SV2B: variants seen among roughly 807,000 people sequenced by gnomAD.
SV2B encodes solute carrier family 22 member B2.
Under a neutral mutation model 73.9 loss-of-function variants are expected in SV2B, and 41 were observed. That is an observed-to-expected ratio of 0.56 (90% CI 0.43 to 0.72). The LOEUF (loss-of-function observed/expected upper bound fraction) is 0.72, where lower values mean the gene tolerates loss of function less well. SV2B is among the 30% of genes least tolerant of loss of function. SV2B has a pLI of 0.00. For synonymous variants in SV2B, 314 were observed against 314.2 expected, an observed-to-expected ratio of 1.00 and a Z score of 0.01; for missense variants, 764 against 857.8, an observed-to-expected ratio of 0.89 and a Z score of 1.37.
chr15:91,275,751 G>A (rs1416378235), intron 9 of SV2B, among the ~76,000 whole-genome samples: 1 of 152,098 alleles, frequency 6.6e-6, no homozygotes, highest in East Asian at 1.9e-4. Flanking sequence ...ACTTGAACCT[G>A]GAAGGTGAAG....
intron 1 of SV2B, among the ~76,000 whole-genome samples, chr15:91,191,276 T>A (rs2045018133): frequency 6.6e-6 from 1 of 151,898 alleles, no homozygotes; most frequent in Non-Finnish European, 1.5e-5. Context: ...CCCTCTTTGA[T>A]CAAACTTTGT....
Position 91,284,147 on chromosome 15 carries a change from G to A in SV2B, c.1634G>A (p.Gly545Asp). 1.2e-6 allele frequency: 2 copies of A among 1,614,180 alleles called. No homozygotes were observed. The highest frequency in any genetic ancestry group is 4.5e-5 in the East Asian group (2 of 44,886). The change falls in exon 11 of 13, where the codon GGC (glycine) becomes GAC (aspartate). Residue 545 changes from glycine to aspartate, a missense_variant. Gly to Asp is a moderately conservative substitution (Grantham distance 94). Transcript: ENST00000394232. This position sits in a 1 kb window ranked among gnomAD's most constrained non-coding sequence, Gnocchi z 4.5. ...DFLIYLVSFLGSLSVLPGNII... is the reference protein window; with the variant it reads ...DFLIYLVSFLDSLSVLPGNII... ...CTGATTTACCTCGTCAGCTTCCTGG[G>A]CAGCCTGTCTGTCTTACCCGGGAAC...
rs1181397263 is a variant in SV2B, at chr15:91,239,407, T to A, written c.452-12412T>A. On this transcript the variant is annotated intron_variant, in intron 2 of 12. Coordinates refer to ENST00000394232, the MANE Select transcript of SV2B (RefSeq NM_001323032.3). This position sits in a 1 kb window ranked among gnomAD's most constrained non-coding sequence, Gnocchi z 5.1. ...AGACATGGTAACAGATTATAAGGTA[T>A]AAGGCATGAATTACAAAGTTATAGT... is the stretch of plus-strand genomic sequence containing the variant. 6.6e-6 allele frequency among the ~76,000 whole-genome samples: 1 copy of A among 151,934 alleles called. No individual in the cohort carries two copies. The highest frequency in any genetic ancestry group is 1.5e-5 in the Non-Finnish European group (1 of 67,986).
Position 91,171,297 on chromosome 15 carries a change from C to A in SV2B, c.-391-54576C>A, listed in dbSNP as rs560129447. Among the ~76,000 whole-genome samples the A allele has an allele frequency of 1.9e-4, 29 of 152,272 alleles. No individual in the cohort carries two copies. The East Asian group carries it at 5.0e-3, about 26-fold the overall frequency. ...AAAATGAAGCTATGAATACTACTTA[C>A]CTAATGGAGTTAAGATTATTAAATC... On this transcript the variant is annotated intron_variant, in intron 1 of 12. Coordinates refer to ENST00000394232, the MANE Select transcript of SV2B (RefSeq NM_001323032.3).
chr15:91,099,749 T>C (rs985794946), upstream of SV2B, among the ~76,000 whole-genome samples: 1 of 152,166 alleles, frequency 6.6e-6, no homozygotes, highest in African/African-American at 2.4e-5. Flanking sequence ...AACAGCACCA[T>C]GATCGACGAT....
chr15:91,120,687 G>T (rs1452090205), intron 1 of SV2B, among the ~76,000 whole-genome samples: 1 of 151,716 alleles, frequency 6.6e-6, no homozygotes, highest in Admixed American at 6.6e-5. Context: ...GGTGGCATGC[G>T]CCTGTAGTCA....
rs1240449649 is a variant in SV2B, at chr15:91,124,491, C to T, written c.-392+24128C>T. ...TACTTCACAAGACAGAATTTCAGGC[C>T]TGCAGAGGGATGGGGGACTTCCTTT... On this transcript the variant is annotated intron_variant, in intron 1 of 12. Coordinates refer to ENST00000394232, the MANE Select transcript of SV2B (RefSeq NM_001323032.3). The surrounding 1 kb of genome is among the most constrained non-coding windows in gnomAD (Gnocchi z 4.6). Among the ~76,000 whole-genome samples, 1 of 152,170 alleles carries T rather than the reference C, an allele frequency of 6.6e-6. No individual in the cohort carries two copies. The highest frequency in any genetic ancestry group is 1.5e-5 in the Non-Finnish European group (1 of 68,040).
rs181662720 is a variant in SV2B at position 91,232,277 on chromosome 15, G to T, written c.451+5563G>T. 3.0e-3 allele frequency among the ~76,000 whole-genome samples: 464 copies of T among 152,244 alleles called. 2 individuals carry two copies. Among genetic ancestry groups the T allele is most frequent in the African/African-American group, 0.011 (454 of 41,568 alleles). Reference sequence around the variant, plus strand: ...TTTCTGTGTTTGATTTATATCAGTTGTTCTTATTTATACTGTTTAGATCAT... The same window carrying T: ...TTTCTGTGTTTGATTTATATCAGTTTTTCTTATTTATACTGTTTAGATCAT... On this transcript the variant is annotated intron_variant, in intron 2 of 12. Coordinates refer to ENST00000394232, the MANE Select transcript of SV2B (RefSeq NM_001323032.3). The surrounding 1 kb of genome is among the most constrained non-coding windows in gnomAD (Gnocchi z 4.7).
chr15:91,127,278 A>C (rs2042512296), intron 1 of SV2B, among the ~76,000 whole-genome samples: 1 of 152,164 alleles, frequency 6.6e-6, no homozygotes, highest in Non-Finnish European at 1.5e-5. Context: ...AAGGGTGTGG[A>C]CAAGACAAGG....
intron 1 of SV2B, among the ~76,000 whole-genome samples, chr15:91,204,885 C>A (rs1033453511): frequency 6.6e-6 from 1 of 152,024 alleles, no homozygotes; most frequent in African/African-American, 2.4e-5. Context: ...CTTACCACCA[C>A]CTTGTGAGCT....
At chr15:91,198,243 G>T (rs1324637023) in intron 1 of SV2B, among the ~76,000 whole-genome samples, 1 of 152,146 alleles carries the variant, frequency 6.6e-6, no homozygotes, top group East Asian at 1.9e-4. Context: ...GCTGGGCAGT[G>T]AGCTCACGGT....
Position 91,117,265 on chromosome 15 carries a change from A to G in SV2B, c.-392+16902A>G, listed in dbSNP as rs140540335. On this transcript the variant is annotated intron_variant, in intron 1 of 12. Transcript: ENST00000394232. ...AAATTCTCTGCACCTCAGTTTCCTA[A>G]CCTGTAAAACAAGGATAATATTAAC... 3.1e-4 allele frequency among the ~76,000 whole-genome samples: 47 copies of G among 152,292 alleles called. No individual in the cohort carries two copies. In the East Asian group the frequency reaches 8.5e-3, roughly 27 times the overall value.
chr15:91,278,194 C>T (rs965607831), intron 9 of SV2B, among the ~76,000 whole-genome samples: 5 of 152,164 alleles, frequency 3.3e-5, no homozygotes, highest in African/African-American at 1.2e-4. Context: ...AAGTACGCCC[C>T]GTTTATGGAA....
rs2041993977 is a variant in SV2B, at chr15:91,110,006, T to G, written c.-392+9643T>G. On this transcript the variant is annotated intron_variant, in intron 1 of 12. Coordinates refer to ENST00000394232, the MANE Select transcript of SV2B (RefSeq NM_001323032.3). The surrounding 1 kb of genome is among the most constrained non-coding windows in gnomAD (Gnocchi z 5.4). The stretch of plus-strand genomic sequence containing the variant: ...TCCCAAAGTGCTGGGATTACAGGCA[T>G]GAACCACTGCATCCACCTCGGAAAT... 6.6e-6 allele frequency among the ~76,000 whole-genome samples: 1 copy of G among 152,196 alleles called. No individual in the cohort carries two copies. The highest frequency in any genetic ancestry group is 2.4e-5 in the African/African-American group (1 of 41,452).
chr15:91,199,575 G>A (rs2045388209), intron 1 of SV2B, among the ~76,000 whole-genome samples: 1 of 152,224 alleles, frequency 6.6e-6, no homozygotes, highest in Non-Finnish European at 1.5e-5. Context: ...CAGGGCAAAT[G>A]CTTTGAGAAT....
rs371833704 is a variant in SV2B, at chr15:91,174,158, A to G, written c.-391-51715A>G. Among the ~76,000 whole-genome samples the G allele has an allele frequency of 1.4e-4, 22 of 152,362 alleles. No homozygotes were observed. The South Asian group carries it at 2.3e-3, about 16-fold the overall frequency. ...AGAGATACAGCCTTTAGCAACTCCA[A>G]TTCTGAAATGAGCAAATGACTGATG... On this transcript the variant is annotated intron_variant, in intron 1 of 12. Coordinates refer to ENST00000394232, the MANE Select transcript of SV2B (RefSeq NM_001323032.3).
intron 1 of SV2B, among the ~76,000 whole-genome samples, chr15:91,217,909 G>T: frequency 6.6e-6 from 1 of 152,140 alleles, no homozygotes; most frequent in East Asian, 1.9e-4. Context: ...GTAGTCCAGT[G>T]GACTTTCTCT....
At chr15:91,213,781 G>A (rs2045939989) in intron 1 of SV2B, among the ~76,000 whole-genome samples, 2 of 152,118 alleles carry the variant, frequency 1.3e-5, no homozygotes, top group Non-Finnish European at 2.9e-5. Context: ...AAATAATACA[G>A]TGTTATGTTA....
chr15:91,165,433 T>C (rs2043878930), intron 1 of SV2B, among the ~76,000 whole-genome samples: 1 of 152,256 alleles, frequency 6.6e-6, no homozygotes, highest in Non-Finnish European at 1.5e-5. Context: ...AACAACAATT[T>C]ACATAGCACT....
Sources: allele counts gnomAD v4.1 joint callset (sites outside exome capture counted in the v4.1 genomes callset), GRCh38; gene constraint gnomAD v4.1.1; non-coding constraint Gnocchi (gnomAD v3.1); transcripts MANE v1.5; gene names NCBI Gene and HGNC (gene_info 2026-07-23, HGNC 2026-07-21).